Variants in INCENP observed in about 807,000 individuals in gnomAD.
INCENP encodes binds and activates aurora-B and -C in vivo and in vitro.
Under a neutral mutation model 107.3 loss-of-function variants are expected in INCENP, and 43 were observed. The observed-to-expected ratio is 0.40, with a 90% CI of 0.31 to 0.52. The LOEUF (loss-of-function observed/expected upper bound fraction) is 0.52. Ranked by LOEUF, INCENP falls within the 20% of genes least tolerant of loss-of-function variation. INCENP has a pLI of 0.53. For missense variants in INCENP, 1,089 were observed against 1,250.9 expected, an observed-to-expected ratio of 0.87 and a Z score of 1.95; for synonymous variants, 488 against 494.4, an observed-to-expected ratio of 0.99 and a Z score of 0.17.
chr11:62,124,596 G>T (rs1943710239), intron 1 of INCENP, among the ~76,000 whole-genome samples: 1 of 152,318 alleles, frequency 6.6e-6, no homozygotes, highest in South Asian at 2.1e-4. Flanking sequence ...AGGCTGGGCC[G>T]CCCCTTGTCA....
intron 1 of INCENP, among the ~76,000 whole-genome samples, chr11:62,127,172 G>A (rs1314649314): frequency 6.6e-6 from 1 of 152,056 alleles, no homozygotes; most frequent in African/African-American, 2.4e-5. Flanking sequence ...AAGTAGCTGG[G>A]ATTACAGGCG....
chr11:62,133,279 G>A (rs923305390), intron 4 of INCENP, among the ~76,000 whole-genome samples: 1 of 152,042 alleles, frequency 6.6e-6, no homozygotes, highest in African/African-American at 2.4e-5. Context: ...GGATGGGAAG[G>A]AAACACCTGC....
At chr11:62,146,984 A>G in intron 15 of INCENP, 82 bp downstream of exon 15, 1 of 1,559,118 alleles carries the variant, frequency 6.4e-7, no homozygotes, top group Admixed American at 1.8e-5. Flanking sequence ...ACACAGCCCC[A>G]CCTGCATGTG....
intron 1 of INCENP, among the ~76,000 whole-genome samples, 173 bp downstream of exon 1, chr11:62,124,336 C>T (rs759890463): frequency 1.3e-5 from 2 of 152,204 alleles, no homozygotes; most frequent in East Asian, 3.8e-4. Context: ...CCTTGGTTCT[C>T]GGGCCCGAGA....
intron 4 of INCENP, among the ~76,000 whole-genome samples, chr11:62,133,786 A>T (rs1943937557): frequency 6.6e-6 from 1 of 152,120 alleles, no homozygotes; most frequent in Non-Finnish European, 1.5e-5. Context: ...ACCACCCATG[A>T]CTGTCAGCCC....
In INCENP at chr11:62,151,953, G is replaced by A. The variant is rs143451073; in HGVS notation, c.2734G>A (p.Ala912Thr). The A allele has an allele frequency of 1.7e-4, 274 of 1,609,582 alleles. No individual in the cohort carries two copies. In the African/African-American group the frequency reaches 3.3e-3, roughly 19 times the overall value. ...LQGARVPSSLAYSLKKH is the reference protein window; with the variant it reads ...LQGARVPSSLTYSLKKH ...GGGCGCCAGGGTCCCCAGCAGCCTG[G>A]CCTACAGCCTGAAGAAGCACTGAGG... Residue 912 changes from alanine (A) to threonine (T), a missense_variant, in exon 19 of 19, where the codon GCC becomes ACC. Physicochemically the swap from Ala to Thr is moderately conservative, Grantham distance 58. Transcript: ENST00000394818.
At position 62,140,994 on chromosome 11, in the gene INCENP, G is replaced by A. The variant is rs766161230; in HGVS notation, c.1543G>A (p.Val515Ile). Residue 515 changes from valine (V) to isoleucine (I), a missense_variant, in exon 10 of 19, where the codon GTC becomes ATC. Coordinates refer to ENST00000394818, the MANE Select transcript of INCENP (RefSeq NM_001040694.2). ...LMTPTSAPRS[V>I]MKSFIKRNTP... ...GACCCCGACCTCAGCCCCACGCAGC[G>A]TCATGAAGTCCTTTATTAAGCGCAA... is the stretch of plus-strand genomic sequence containing the variant. The A allele has an allele frequency of 2.1e-5, 34 of 1,613,894 alleles. No individual in the cohort carries two copies. Among genetic ancestry groups the A allele is most frequent in the Admixed American group, 5.0e-5 (3 of 59,982 alleles).
chr11:62,144,875 T>G (rs1322102707), intron 11 of INCENP, 107 bp from the exon 12 acceptor site: 6 of 977,016 alleles, frequency 6.1e-6, no homozygotes, highest in Non-Finnish European at 9.8e-6. Flanking sequence ...ATTCTGATGC[T>G]GCCACCCACG....
At chr11:62,135,544 G>A (rs2446745) in intron 4 of INCENP, among the ~76,000 whole-genome samples, 3,048 of 152,220 alleles carry the variant, frequency 0.02, 106 homozygotes, top group African/African-American at 0.069. Flanking sequence ...GATTACAGGC[G>A]TGAGCCACCA....
Position 62,145,073 on chromosome 11 carries a change from G to A in INCENP, c.1697G>A (p.Arg566Gln), listed in dbSNP as rs778464804. ...RQKVEEDKRR[R>Q]LEEVKLKREE... is the part of the protein sequence containing the mutation. ...AAGGTGGAGGAGGACAAGCGGCGGC[G>A]GCTGGAGGAGGTGAAGCTGTAAGTG... The change falls in exon 12 of 19, where the codon CGG (arginine) becomes CAG (glutamine). Residue 566 changes from arginine to glutamine, a missense_variant. Arg to Gln is a conservative substitution (Grantham distance 43). Transcript: ENST00000394818. The A allele has an allele frequency of 9.3e-6, 15 of 1,613,652 alleles. No homozygotes were observed. The highest frequency in any genetic ancestry group is 1.7e-4 in the Middle Eastern group (1 of 6,056).
intron 11 of INCENP, among the ~76,000 whole-genome samples, chr11:62,142,902 T>G (rs777437327): frequency 8.5e-5 from 13 of 152,214 alleles, no homozygotes; most frequent in Non-Finnish European, 1.9e-4. Flanking sequence ...ACCTGCAGCA[T>G]CATTTTCCCG....
intron 11 of INCENP, among the ~76,000 whole-genome samples, chr11:62,144,405 A>G (rs1052842527): frequency 6.6e-6 from 1 of 151,980 alleles, no homozygotes; most frequent in Non-Finnish European, 1.5e-5. Context: ...GAAAATTAAT[A>G]CCATCCCTAA....
chr11:62,129,958 C>G lies in INCENP; in HGVS notation c.431C>G (p.Pro144Arg). The G allele has an allele frequency of 6.2e-7, 1 of 1,614,134 alleles. No homozygotes were observed. Among genetic ancestry groups the G allele is most frequent in the Non-Finnish European group, 8.5e-7 (1 of 1,180,030 alleles). The change falls in exon 4 of 19, where the codon CCC becomes CGC. Residue 144 changes from proline to arginine, a missense_variant. Pro to Arg is a moderately radical substitution (Grantham distance 103). Transcript: ENST00000394818. ...ATGGCATTGGCTGCACCTTCTTCAC[C>G]CACCCCTGAGTCTCCCACGATGCTG... The part of the protein sequence containing the change: ...ATMALAAPSS[P>R]TPESPTMLTK...
chr11:62,138,648 GA>G (rs1362951020), intron 5 of INCENP, 64 bp from the exon 6 acceptor site: 4 of 1,498,380 alleles, frequency 2.7e-6, no homozygotes, highest in Non-Finnish European at 3.7e-6. Context: ...ATGGTAGAGG[GA>G]CTCCCTAGGG....
chr11:62,145,653 GAGA>G lies in INCENP; in HGVS notation c.1864_1866del (p.Lys622del). 2 of 1,588,360 alleles carry G rather than the reference GAGA, an allele frequency of 1.3e-6. No individual in the cohort carries two copies. The highest frequency in any genetic ancestry group is 1.7e-6 in the Non-Finnish European group (2 of 1,167,596). On this transcript the variant is annotated inframe_deletion, in exon 14 of 19. Transcript: ENST00000394818. ...GGCCAAGGAGGAGCGGCTGGCAGAGGAGAAGGCCAAGAAAAAGGCGGCGGCCAA... is the reference window on the plus strand; with the variant it reads ...GGCCAAGGAGGAGCGGCTGGCAGAGGAGGCCAAGAAAAAGGCGGCGGCCAA...
intron 3 of INCENP, 138 bp from the exon 4 acceptor site, chr11:62,129,644 C>T (rs920494385): frequency 7.3e-6 from 5 of 688,020 alleles, no homozygotes; most frequent in African/African-American, 7.2e-5. Flanking sequence ...CTAGAGGTGG[C>T]AGAATCTGGC....
At chr11:62,132,231 C>G (rs1302401494) in intron 4 of INCENP, among the ~76,000 whole-genome samples, 1 of 152,244 alleles carries the variant, frequency 6.6e-6, no homozygotes, top group African/African-American at 2.4e-5. Flanking sequence ...GAGGAGGAAA[C>G]TGAGGCTTAA....
chr11:62,132,059 G>C (rs1440565787), intron 4 of INCENP, among the ~76,000 whole-genome samples: 1 of 152,202 alleles, frequency 6.6e-6, no homozygotes, highest in Non-Finnish European at 1.5e-5. Context: ...AAAGTGCCGG[G>C]ATTACAAGTG....
At chr11:62,136,369 C>T (rs1196779822) in intron 4 of INCENP, among the ~76,000 whole-genome samples, 1 of 152,084 alleles carries the variant, frequency 6.6e-6, no homozygotes, top group African/African-American at 2.4e-5. Flanking sequence ...ATGGCATGTA[C>T]TTGAGTTTAG....
Sources: allele counts gnomAD v4.1 joint callset (sites outside exome capture counted in the v4.1 genomes callset), GRCh38; gene constraint gnomAD v4.1.1; transcripts MANE v1.5; gene names NCBI Gene and HGNC (gene_info 2026-07-23, HGNC 2026-07-21).